Variants in STK32B observed in about 807,000 individuals in gnomAD.
STK32B encodes serine/threonine kinase 32B.
In STK32B, 43 loss-of-function variants were observed where a neutral mutation model predicts 52.6. The ratio of observed to expected loss-of-function variants is 0.82; its 90% confidence interval spans 0.64 to 1.05. STK32B has a LOEUF of 1.05. Among genes scored for constraint, STK32B ranks in the 50% least tolerant of loss-of-function variants. STK32B has a pLI of 0.00. For missense variants in STK32B, 621 were observed against 534.6 expected (o/e 1.16, Z -1.59); for synonymous variants, 238 against 204.3 (o/e 1.17, Z -1.41).
At chr4:5,260,985 C>G (rs1371922800) in intron 3 of STK32B, among the ~76,000 whole-genome samples, 1 of 152,048 alleles carries the variant, frequency 6.6e-6, no homozygotes, top group African/African-American at 2.4e-5. Flanking sequence ...CTTTATGCAC[C>G]CATGTCAATC....
intron 11 of STK32B, among the ~76,000 whole-genome samples, chr4:5,490,998 A>T (rs1009382447): frequency 6.6e-6 from 1 of 152,132 alleles, no homozygotes; most frequent in African/African-American, 2.4e-5. Context: ...GTTGGTTCTA[A>T]GTCTTTGCTA....
intron 6 of STK32B, among the ~76,000 whole-genome samples, chr4:5,440,085 G>T (rs1397944581): frequency 1.3e-5 from 2 of 151,676 alleles, no homozygotes; most frequent in Non-Finnish European, 2.9e-5. Context: ...TTGGCGATGC[G>T]GGCTCTTTTT....
intron 3 of STK32B, among the ~76,000 whole-genome samples, chr4:5,200,839 G>A (rs1560220074): frequency 2.0e-5 from 3 of 152,102 alleles, no homozygotes; most frequent in Non-Finnish European, 4.4e-5. Context: ...CATTCCTCAG[G>A]TTTCCATTAA....
chr4:5,022,512 C>G, the STK32B span, among the ~76,000 whole-genome samples: 1 of 152,218 alleles, frequency 6.6e-6, no homozygotes, highest in East Asian at 1.9e-4. Context: ...TTCTCTGCCC[C>G]CTTCTGAGGC....
At chr4:5,091,566 T>A (rs1713081222) in intron 1 of STK32B, among the ~76,000 whole-genome samples, 1 of 152,008 alleles carries the variant, frequency 6.6e-6, no homozygotes, top group South Asian at 2.1e-4. Flanking sequence ...TAAAACAGAA[T>A]AGGAAATATT....
At chr4:5,376,516 AC>A (rs1277016493) in intron 4 of STK32B, among the ~76,000 whole-genome samples, 1 of 151,880 alleles carries the variant, frequency 6.6e-6, no homozygotes, top group East Asian at 1.9e-4. Flanking sequence ...CACTGGCAAG[AC>A]CCAGGGACCA....
chr4:5,064,984 T>G (rs1427640402), intron 1 of STK32B, among the ~76,000 whole-genome samples: 1 of 151,712 alleles, frequency 6.6e-6, no homozygotes, highest in African/African-American at 2.4e-5. Flanking sequence ...GGTTGCCCCC[T>G]GCTTTTCTGG....
At chr4:5,174,734 AT>A (rs1249980273) in intron 3 of STK32B, among the ~76,000 whole-genome samples, 2 of 151,490 alleles carry the variant, frequency 1.3e-5, no homozygotes, top group African/African-American at 4.8e-5. Flanking sequence ...TGCCCTTAAC[AT>A]TTTTTCCTTC....
chr4:5,137,795 AG>A (rs2108829019), intron 1 of STK32B, among the ~76,000 whole-genome samples: 1 of 152,308 alleles, frequency 6.6e-6, no homozygotes, highest in South Asian at 2.1e-4. Flanking sequence ...GTTGGGGAAA[AG>A]CTTCCCAAGA....
intron 3 of STK32B, among the ~76,000 whole-genome samples, chr4:5,201,236 G>A (rs565664416): frequency 3.3e-5 from 5 of 152,132 alleles, no homozygotes; most frequent in African/African-American, 4.8e-5. Context: ...CTCCTGTGCC[G>A]AAAGTCAGTG....
chr4:5,493,706 G>T (rs1408017277), intron 11 of STK32B, among the ~76,000 whole-genome samples: 4 of 152,112 alleles, frequency 2.6e-5, no homozygotes, highest in Non-Finnish European at 2.9e-5. Flanking sequence ...GCTTTCTCTT[G>T]TGGGCATTTA....
chr4:5,464,803 C>T (rs1052720406), intron 9 of STK32B, among the ~76,000 whole-genome samples: 1 of 152,122 alleles, frequency 6.6e-6, no homozygotes, highest in Non-Finnish European at 1.5e-5. Flanking sequence ...CCAGAACCTG[C>T]ATTTTTATGA....
chr4:5,430,154 T>C (rs576093007), intron 6 of STK32B, among the ~76,000 whole-genome samples: 1 of 152,250 alleles, frequency 6.6e-6, no homozygotes, highest in East Asian at 1.9e-4. Context: ...TTGGTCATTA[T>C]CTCTGCAAAT....
At chr4:5,088,520 T>G (rs568449206) in intron 1 of STK32B, among the ~76,000 whole-genome samples, 6 of 152,258 alleles carry the variant, frequency 3.9e-5, no homozygotes, top group African/African-American at 1.4e-4. Flanking sequence ...TTCTCCATGA[T>G]GTGATTATTA....
chr4:5,389,492 G>C (rs28571636), intron 4 of STK32B, among the ~76,000 whole-genome samples: 5,368 of 152,184 alleles, frequency 0.035, 144 homozygotes, highest in East Asian at 0.084. Flanking sequence ...TGCACACAGG[G>C]CCCTGATGTC....
chr4:5,287,779 C>T (rs533954588), intron 3 of STK32B, among the ~76,000 whole-genome samples: 3 of 152,182 alleles, frequency 2.0e-5, no homozygotes, highest in Admixed American at 2.0e-4. Flanking sequence ...TATAAATTCA[C>T]ATGCCATAAA....
upstream of STK32B, among the ~76,000 whole-genome samples, chr4:5,051,105 C>A (rs1741752429): frequency 6.6e-6 from 1 of 152,156 alleles, no homozygotes; most frequent in Non-Finnish European, 1.5e-5. Context: ...CACTGCCCAT[C>A]CCAATATGAA....
intron 3 of STK32B, among the ~76,000 whole-genome samples, chr4:5,221,959 T>G (rs1430269392): frequency 6.6e-6 from 1 of 152,022 alleles, no homozygotes; most frequent in Non-Finnish European, 1.5e-5. Context: ...CAAATAGGAT[T>G]AAGGCCCTTA....
intron 3 of STK32B, among the ~76,000 whole-genome samples, chr4:5,238,116 G>A (rs527447002): frequency 4.7e-4 from 72 of 152,240 alleles, no homozygotes; most frequent in Middle Eastern, 3.4e-3. Context: ...TAGGACTGCC[G>A]TAAAAGATGA....
Sources: gnomAD v4.1 joint callset for allele counts (sites outside exome capture counted in the v4.1 genomes callset) on GRCh38, gnomAD v4.1.1 for gene constraint, MANE v1.5 for transcripts, NCBI Gene and HGNC (gene_info 2026-07-23, HGNC 2026-07-21) for gene names.